GALNTL6: variants seen among roughly 807,000 people sequenced by gnomAD.
The protein encoded by GALNTL6 is polypeptide N-acetylgalactosaminyltransferase-like 6.
GALNTL6 carries 46 observed loss-of-function variants against 73.7 expected under a neutral mutation model. That is an observed-to-expected ratio of 0.62 (90% confidence interval 0.49 to 0.80). GALNTL6 has a LOEUF of 0.80. Among genes scored for constraint, GALNTL6 ranks in the 30% least tolerant of loss-of-function variants. The pLI is 0.00. For missense variants in GALNTL6, 604 were observed against 755.0 expected (o/e 0.80, Z 2.34); for synonymous variants, 259 against 263.7 (o/e 0.98, Z 0.17).
chr4:171,814,498 G>A lies in GALNTL6; in HGVS notation c.-83G>A. Reference sequence around the variant, plus strand: ...TCTCAGTTTCTGGTGCTTCGCAGGGGAGAGGAAAGGAATTTGACATTAAAC... The same window carrying A: ...TCTCAGTTTCTGGTGCTTCGCAGGGAAGAGGAAAGGAATTTGACATTAAAC... On this transcript the variant is annotated 5_prime_UTR_variant, in exon 2 of 13. Transcript: ENST00000506823. 2.1e-6 allele frequency: 3 copies of A among 1,453,336 alleles called. No individual in the cohort carries two copies. Among genetic ancestry groups the A allele is most frequent in the Admixed American group, 3.7e-5 (2 of 54,614 alleles). 90.0% of individuals were successfully genotyped at this position (1,453,336 alleles called of 1,614,324 possible).
chr4:172,249,145 C>T (rs1737762004), intron 3 of GALNTL6, among the ~76,000 whole-genome samples: 1 of 152,062 alleles, frequency 6.6e-6, no homozygotes, highest in African/African-American at 2.4e-5. Flanking sequence ...ATGGCTTTGA[C>T]CAAAATGTTA....
chr4:172,351,811 A>G (rs1208104983), intron 5 of GALNTL6, among the ~76,000 whole-genome samples: 1 of 152,124 alleles, frequency 6.6e-6, no homozygotes, highest in Admixed American at 6.6e-5. Context: ...ACTTTTAGAA[A>G]TACATCCCAA....
chr4:172,013,163 C>T (rs1484632895), intron 2 of GALNTL6, among the ~76,000 whole-genome samples: 1 of 152,008 alleles, frequency 6.6e-6, no homozygotes, highest in African/African-American at 2.4e-5. Flanking sequence ...AAACATTTAT[C>T]ATTTCTTTTT....
intron 8 of GALNTL6, among the ~76,000 whole-genome samples, chr4:172,896,777 C>G (rs1289711574): frequency 6.6e-6 from 1 of 152,088 alleles, no homozygotes; most frequent in African/African-American, 2.4e-5. Flanking sequence ...ACTGGAAACC[C>G]CAGTCTCAGC....
intron 5 of GALNTL6, among the ~76,000 whole-genome samples, chr4:172,672,264 T>C (rs1317381779): frequency 6.6e-6 from 1 of 152,248 alleles, no homozygotes; most frequent in Non-Finnish European, 1.5e-5. Flanking sequence ...TCGATTGAGA[T>C]AATCATGTGG....
chr4:172,916,343 G>A (rs1579649934), intron 8 of GALNTL6, among the ~76,000 whole-genome samples: 1 of 152,034 alleles, frequency 6.6e-6, no homozygotes. Context: ...GCACAAGACA[G>A]GGATGCCCTC....
At chr4:172,245,838 T>A (rs577592707) in intron 3 of GALNTL6, among the ~76,000 whole-genome samples, 3 of 152,248 alleles carry the variant, frequency 2.0e-5, no homozygotes, top group East Asian at 3.9e-4. Context: ...GGCAACACTT[T>A]CCAGAGACTG....
chr4:172,468,672 G>A (rs1399355509), intron 5 of GALNTL6, among the ~76,000 whole-genome samples: 1 of 152,162 alleles, frequency 6.6e-6, no homozygotes, highest in Non-Finnish European at 1.5e-5. Flanking sequence ...TGCCCAATAA[G>A]GTGGTAGGTT....
At position 171,969,484 on chromosome 4, in the gene GALNTL6, G is replaced by A. The variant is rs187868832; in HGVS notation, c.138+154766G>A. Among the ~76,000 whole-genome samples, 114 of 152,276 alleles carry A rather than the reference G, an allele frequency of 7.5e-4. 1 individual carries two copies. The highest frequency in any genetic ancestry group is 2.5e-3 in the African/African-American group (102 of 41,568). ...TTAGTTGTAGGTGTCCTTCATAAATGGCATAGGAGGTATTTCACCAATTTA... is the reference window on the plus strand; with the variant it reads ...TTAGTTGTAGGTGTCCTTCATAAATAGCATAGGAGGTATTTCACCAATTTA... On this transcript the variant is annotated intron_variant, in intron 2 of 12. Coordinates refer to ENST00000506823, the MANE Select transcript of GALNTL6 (RefSeq NM_001034845.3).
intron 2 of GALNTL6, among the ~76,000 whole-genome samples, chr4:172,167,239 A>G (rs1734656263): frequency 6.6e-6 from 1 of 152,240 alleles, no homozygotes; most frequent in African/African-American, 2.4e-5. Flanking sequence ...TATATGCAGA[A>G]TTCATTAAGA....
At chr4:172,859,411 C>T (rs192038664) in intron 7 of GALNTL6, among the ~76,000 whole-genome samples, 4 of 152,116 alleles carry the variant, frequency 2.6e-5, no homozygotes, top group Non-Finnish European at 4.4e-5. Context: ...GTACATGAAG[C>T]GCTTCAGTAT....
At chr4:172,499,172 A>C (rs1182338785) in intron 5 of GALNTL6, among the ~76,000 whole-genome samples, 6 of 152,210 alleles carry the variant, frequency 3.9e-5, no homozygotes, top group Non-Finnish European at 7.3e-5. Context: ...GCAAGTTTGC[A>C]TGTCTCCAAA....
Position 172,204,312 on chromosome 4 carries a change from G to A in GALNTL6, c.139-25344G>A, listed in dbSNP as rs76198063. Reference sequence around the variant, plus strand: ...GAAAGGTAGTTTGCTCAAGTTTGCAGTGCATTGTGACAGTGTAAGTCTTTT... The same window carrying A: ...GAAAGGTAGTTTGCTCAAGTTTGCAATGCATTGTGACAGTGTAAGTCTTTT... On this transcript the variant is annotated intron_variant, in intron 2 of 12. Transcript: ENST00000506823. 5.7e-3 allele frequency among the ~76,000 whole-genome samples: 863 copies of A among 152,260 alleles called. 10 individuals are homozygous for A. Among genetic ancestry groups the A allele is most frequent in the African/African-American group, 0.019 (808 of 41,536 alleles).
chr4:172,228,628 T>C (rs964621270), intron 2 of GALNTL6, among the ~76,000 whole-genome samples: 8 of 152,200 alleles, frequency 5.3e-5, no homozygotes, highest in African/African-American at 1.9e-4. Context: ...ATCTTTTGGC[T>C]AAATTGACTT....
chr4:172,897,551 T>C (rs911172395), intron 8 of GALNTL6, among the ~76,000 whole-genome samples: 1 of 152,200 alleles, frequency 6.6e-6, no homozygotes, highest in Non-Finnish European at 1.5e-5. Context: ...GGTTTTTTAT[T>C]ATAGGCTCAA....
chr4:171,814,820 C>A, intron 2 of GALNTL6, 102 bp downstream of exon 2: 1 of 1,146,446 alleles, frequency 8.7e-7, no homozygotes, highest in Non-Finnish European at 1.3e-6. Context: ...GGTTTTCCCC[C>A]AAGTCTTGAC....
chr4:171,948,667 G>A (rs192516145), intron 2 of GALNTL6, among the ~76,000 whole-genome samples: 5 of 152,108 alleles, frequency 3.3e-5, no homozygotes, highest in African/African-American at 1.2e-4. Flanking sequence ...AATTTATGCT[G>A]TTTAAGCTAA....
chr4:171,930,300 C>T (rs184623643), intron 2 of GALNTL6, among the ~76,000 whole-genome samples: 1 of 152,206 alleles, frequency 6.6e-6, no homozygotes, highest in Admixed American at 6.5e-5. Context: ...CTTGGGTAAT[C>T]GCAGACCTCA....
chr4:172,914,726 C>G, intron 8 of GALNTL6, among the ~76,000 whole-genome samples: 1 of 152,198 alleles, frequency 6.6e-6, no homozygotes, highest in Non-Finnish European at 1.5e-5. Flanking sequence ...GCACCCAATA[C>G]AGGAGCACCC....
Sources: gnomAD v4.1 joint callset for allele counts (sites outside exome capture counted in the v4.1 genomes callset) on GRCh38, gnomAD v4.1.1 for gene constraint, MANE v1.5 for transcripts, NCBI Gene and HGNC (gene_info 2026-07-23, HGNC 2026-07-21) for gene names.